Variants in ASRGL1 observed in about 807,000 individuals in gnomAD.
ASRGL1 encodes the protein isoaspartyl peptidase/L-asparaginase.
In ASRGL1, 16 loss-of-function variants were observed where a neutral mutation model predicts 22.4. The ratio of observed to expected loss-of-function variants is 0.71; its 90% CI spans 0.48 to 1.08. The LOEUF (loss-of-function observed/expected upper bound fraction) is 1.08, where lower values mean the gene tolerates loss of function less well. ASRGL1 is among the 50% of genes least tolerant of loss of function. The probability of loss-of-function intolerance (pLI) is 0.00; values close to 1 mark genes in which losing one functional copy is unlikely to be tolerated. For missense variants in ASRGL1, 412 were observed against 410.1 expected, an observed-to-expected ratio of 1.00 and a Z score of -0.04; for synonymous variants, 165 against 159.3, an observed-to-expected ratio of 1.04 and a Z score of -0.27.
At chr11:62,389,081 G>A in intron 4 of ASRGL1, 52 bp from the exon 5 acceptor site, 2 of 1,459,536 alleles carry the variant, frequency 1.4e-6, no homozygotes, top group South Asian at 2.3e-5. Context: ...GTTGGTTATG[G>A]TGTTCATTCT....
rs1333203544 is a variant in ASRGL1, at chr11:62,377,987, A to G, written c.492-11146A>G. On this transcript the variant is annotated intron_variant, in intron 4 of 6. Coordinates refer to ENST00000415229, the MANE Select transcript of ASRGL1 (RefSeq NM_001083926.2). ...GCTGGTTGAATTTTTTCTTCCACTAATTTAATTTTTTTTGTTGCCTCTGGA... is the reference window on the plus strand; with the variant it reads ...GCTGGTTGAATTTTTTCTTCCACTAGTTTAATTTTTTTTGTTGCCTCTGGA... Among the ~76,000 whole-genome samples the G allele has an allele frequency of 1.3e-5, 2 of 152,204 alleles. 1 individual carries two copies. Among genetic ancestry groups the G allele is most frequent in the South Asian group, 4.1e-4 (2 of 4,820 alleles).
At chr11:62,351,051 T>C (rs1565155465) in intron 2 of ASRGL1, among the ~76,000 whole-genome samples, 1 of 152,200 alleles carries the variant, frequency 6.6e-6, no homozygotes, top group South Asian at 2.1e-4. Context: ...AGCTATTTGC[T>C]CTAGATATTA....
At chr11:62,373,783 C>A (rs1946839252) in intron 4 of ASRGL1, among the ~76,000 whole-genome samples, 3 of 152,244 alleles carry the variant, frequency 2.0e-5, no homozygotes, top group African/African-American at 7.2e-5. Flanking sequence ...ATTATAGAAT[C>A]AGCTGTGTCC....
rs71053051 is a variant in ASRGL1 at position 62,375,428 on chromosome 11, TTATA to T, written c.492-13655_492-13652del. Among the ~76,000 whole-genome samples the T allele has an allele frequency of 7.2e-3, 495 of 68,756 alleles. 3 individuals are homozygous for T. Among genetic ancestry groups the T allele is most frequent in the Non-Finnish European group, 0.01 (333 of 32,040 alleles). The allele number at this position is 68,756 out of a possible 152,430, so 45.1% of individuals were successfully genotyped here. On this transcript the variant is annotated intron_variant, in intron 4 of 6. Transcript: ENST00000415229. ...GGTTTAGTGCTGTAATTGTCTTACT[TTATA>T]TATATATATATATATATATATATAT...
At chr11:62,344,491 T>C (rs551632091) in intron 2 of ASRGL1, among the ~76,000 whole-genome samples, 22 of 152,298 alleles carry the variant, frequency 1.4e-4, no homozygotes, top group Admixed American at 1.2e-3. Flanking sequence ...TAACCCAGCA[T>C]TGCAAACATT....
At position 62,354,074 on chromosome 11, in the gene ASRGL1, G is replaced by A. The variant is rs553141953; in HGVS notation, c.191-2251G>A. Among the ~76,000 whole-genome samples the A allele has an allele frequency of 9.3e-4, 142 of 152,318 alleles. 1 individual carries two copies. The highest frequency in any genetic ancestry group is 6.8e-3 in the Middle Eastern group (2 of 294). ...ACTTACTGTTTGCCTACACATGCTAGACATTATTCTAAGTGTTTAATATGC... is the reference window on the plus strand; with the variant it reads ...ACTTACTGTTTGCCTACACATGCTAAACATTATTCTAAGTGTTTAATATGC... On this transcript the variant is annotated intron_variant, in intron 2 of 6. Coordinates refer to ENST00000415229, the MANE Select transcript of ASRGL1 (RefSeq NM_001083926.2).
intron 2 of ASRGL1, among the ~76,000 whole-genome samples, chr11:62,351,393 T>A (rs934606336): frequency 6.6e-6 from 1 of 152,214 alleles, no homozygotes; most frequent in African/African-American, 2.4e-5. Flanking sequence ...CTCAAGCATG[T>A]AATCCCAGCA....
chr11:62,352,951 T>A (rs1590714275), intron 2 of ASRGL1, among the ~76,000 whole-genome samples: 1 of 152,366 alleles, frequency 6.6e-6, no homozygotes, highest in East Asian at 1.9e-4. Flanking sequence ...CCTTCTTAAA[T>A]TGGTAGATTT....
chr11:62,394,382 G>T (rs1449924027), downstream of ASRGL1, among the ~76,000 whole-genome samples: 1 of 142,328 alleles, frequency 7.0e-6, no homozygotes, highest in Non-Finnish European at 1.5e-5. Flanking sequence ...TTAGATTAAG[G>T]TCCACCCTAA....
intron 4 of ASRGL1, chr11:62,372,363 A>G: frequency 6.4e-7 from 1 of 1,569,126 alleles, no homozygotes; most frequent in African/African-American, 1.4e-5. Flanking sequence ...GATAATGTAC[A>G]ACAGCCTGCC....
At chr11:62,391,182 C>T (rs1947327473) in intron 5 of ASRGL1, among the ~76,000 whole-genome samples, 2 of 152,180 alleles carry the variant, frequency 1.3e-5, no homozygotes, top group South Asian at 4.1e-4. Flanking sequence ...GTTTCTTCCT[C>T]CATAGTGTGT....
intron 2 of ASRGL1, among the ~76,000 whole-genome samples, chr11:62,342,836 A>C (rs1297548735): frequency 3.9e-5 from 6 of 152,162 alleles, no homozygotes; most frequent in Non-Finnish European, 8.8e-5. Context: ...TAATACATTA[A>C]AGTGTTACCC....
At chr11:62,349,003 C>G (rs1946104695) in intron 2 of ASRGL1, among the ~76,000 whole-genome samples, 1 of 151,786 alleles carries the variant, frequency 6.6e-6, no homozygotes, top group African/African-American at 2.4e-5. Context: ...GAGTCTCACT[C>G]TGTCGCCCAG....
chr11:62,373,036 A>G, intron 4 of ASRGL1: 2 of 1,373,922 alleles, frequency 1.5e-6, no homozygotes, highest in Non-Finnish European at 2.1e-6. Context: ...GCAGCCCAGG[A>G]GGTGAAGACT....
intron 4 of ASRGL1, among the ~76,000 whole-genome samples, chr11:62,360,214 G>A (rs1317225327): frequency 6.6e-6 from 1 of 151,650 alleles, no homozygotes; most frequent in Non-Finnish European, 1.5e-5. Context: ...TTTTAGTAGA[G>A]AGAGGGTTTC....
At chr11:62,387,209 G>A (rs1055590209) in intron 4 of ASRGL1, among the ~76,000 whole-genome samples, 5 of 151,918 alleles carry the variant, frequency 3.3e-5, no homozygotes, top group African/African-American at 4.8e-5. Flanking sequence ...GGCCAAGAAT[G>A]ATTATTTTTA....
intron 5 of ASRGL1, among the ~76,000 whole-genome samples, chr11:62,390,758 T>A (rs1947317514): frequency 6.6e-6 from 1 of 152,188 alleles, no homozygotes; most frequent in South Asian, 2.1e-4. Flanking sequence ...CAATGCAGCA[T>A]CTCAACTCCT....
At chr11:62,340,918 A>T (rs1945847306) in intron 2 of ASRGL1, among the ~76,000 whole-genome samples, 1 of 152,252 alleles carries the variant, frequency 6.6e-6, no homozygotes, top group African/African-American at 2.4e-5. Context: ...AACTTGCCTG[A>T]ACATTTGTAA....
chr11:62,356,652 A>C (rs1946304443), intron 3 of ASRGL1, among the ~76,000 whole-genome samples, 185 bp downstream of exon 3: 1 of 152,242 alleles, frequency 6.6e-6, no homozygotes, highest in African/African-American at 2.4e-5. Flanking sequence ...TTGACCAGTG[A>C]ATGATTACTT....
Sources: gnomAD v4.1 joint callset for allele counts (sites outside exome capture counted in the v4.1 genomes callset) on GRCh38, gnomAD v4.1.1 for gene constraint, MANE v1.5 for transcripts, NCBI Gene and HGNC (gene_info 2026-07-23, HGNC 2026-07-21) for gene names.